Variants in RCAN2 observed in about 807,000 individuals in gnomAD.
RCAN2 encodes the protein calcipressin-2.
A neutral mutation model predicts 23.6 loss-of-function variants in RCAN2; 9 were observed. The ratio of observed to expected loss-of-function variants is 0.38; its 90% CI spans 0.23 to 0.67. The LOEUF is 0.67. RCAN2 is among the 30% of genes least tolerant of loss of function. The pLI, the probability that RCAN2 is intolerant of heterozygous loss-of-function variation, is 0.51. For synonymous variants in RCAN2, 109 were observed against 115.7 expected, an observed-to-expected ratio of 0.94 and a Z score of 0.37; for missense variants, 273 against 302.3, an observed-to-expected ratio of 0.90 and a Z score of 0.72.
At chr6:46,369,268 AGGACCTGCC>A (rs1455607554) in intron 2 of RCAN2, among the ~76,000 whole-genome samples, 2 of 152,162 alleles carry the variant, frequency 1.3e-5, no homozygotes, top group African/African-American at 4.8e-5. Flanking sequence ...TACCTCCTGA[AGGACCTGCC>A]TGAGGCTGTT....
intron 1 of RCAN2, among the ~76,000 whole-genome samples, chr6:46,465,424 C>T (rs560816031): frequency 6.6e-6 from 1 of 152,264 alleles, no homozygotes; most frequent in South Asian, 2.1e-4. Flanking sequence ...GGACTATTTA[C>T]AGCATGGGCA....
intron 2 of RCAN2, among the ~76,000 whole-genome samples, chr6:46,323,546 T>C (rs1319788720): frequency 6.6e-6 from 1 of 152,184 alleles, no homozygotes; most frequent in Non-Finnish European, 1.5e-5. Flanking sequence ...CTCACCTCCT[T>C]TCCCGTTTGC....
chr6:46,391,132 G>A (rs1765922538), intron 2 of RCAN2, among the ~76,000 whole-genome samples: 1 of 152,186 alleles, frequency 6.6e-6, no homozygotes, highest in Admixed American at 6.5e-5. Flanking sequence ...TTATACAATT[G>A]CCCTGTGCCT....
intron 2 of RCAN2, among the ~76,000 whole-genome samples, chr6:46,275,699 A>G (rs999880959): frequency 9.2e-5 from 14 of 152,236 alleles, no homozygotes; most frequent in Non-Finnish European, 5.9e-5. Context: ...TTATTTTGCT[A>G]CACAGCTATT....
intron 1 of RCAN2, among the ~76,000 whole-genome samples, chr6:46,461,398 T>G (rs1246334290): frequency 6.6e-6 from 1 of 152,140 alleles, no homozygotes; most frequent in South Asian, 2.1e-4. Context: ...ACCTTATGCA[T>G]GTGGAAAAGA....
chr6:46,250,014 T>C (rs1289768003), intron 2 of RCAN2, among the ~76,000 whole-genome samples: 2 of 152,236 alleles, frequency 1.3e-5, no homozygotes, highest in African/African-American at 2.4e-5. Flanking sequence ...TTAAAAACTT[T>C]AGACTCAATA....
chr6:46,225,299 G>A (rs925889538), intron 4 of RCAN2, among the ~76,000 whole-genome samples: 8 of 152,182 alleles, frequency 5.3e-5, no homozygotes, highest in East Asian at 1.9e-4. Context: ...TATATACCCA[G>A]TAATGGGATG....
At chr6:46,243,140 G>A (rs1246978886) in intron 4 of RCAN2, among the ~76,000 whole-genome samples, 1 of 152,206 alleles carries the variant, frequency 6.6e-6, no homozygotes, top group Non-Finnish European at 1.5e-5. Flanking sequence ...ATGCCATGGG[G>A]AGGAGGAAGG....
Position 46,475,909 on chromosome 6 carries a change from T to A in RCAN2, c.-3+15264A>T, listed in dbSNP as rs560206587. Among the ~76,000 whole-genome samples, 3 of 152,358 alleles carry A rather than the reference T, an allele frequency of 2.0e-5. No individual in the cohort carries two copies. In the South Asian group the frequency reaches 6.2e-4, roughly 32 times the overall value. Reference sequence around the variant, plus strand: ...GTCATGAATCACCCAAAATGGGTCTTCTTTCTCTTTTCCAGTGTTCATTTA... The same window carrying A: ...GTCATGAATCACCCAAAATGGGTCTACTTTCTCTTTTCCAGTGTTCATTTA... On this transcript the variant is annotated intron_variant, in intron 1 of 4. Coordinates refer to ENST00000371374, the MANE Select transcript of RCAN2 (RefSeq NM_001251974.2).
intron 2 of RCAN2, among the ~76,000 whole-genome samples, chr6:46,329,700 T>C (rs138746258): frequency 1.4e-4 from 21 of 152,302 alleles, no homozygotes; most frequent in Admixed American, 1.0e-3. Flanking sequence ...GAGTCCTGGC[T>C]TAGCTCTGTT....
intron 2 of RCAN2, among the ~76,000 whole-genome samples, chr6:46,340,818 G>A (rs958877129): frequency 9.2e-5 from 14 of 152,186 alleles, no homozygotes; most frequent in African/African-American, 3.4e-4. Context: ...ATTTTATACA[G>A]AATCAAAAGC....
At chr6:46,313,407 T>C (rs1251294525) in intron 2 of RCAN2, among the ~76,000 whole-genome samples, 1 of 152,236 alleles carries the variant, frequency 6.6e-6, no homozygotes, top group African/African-American at 2.4e-5. Context: ...CTCCATCACA[T>C]TTCTCAAGTG....
Position 46,265,498 on chromosome 6 carries a change from C to T in RCAN2, c.226-16602G>A, listed in dbSNP as rs1245746847. Among the ~76,000 whole-genome samples the T allele has an allele frequency of 3.9e-5, 6 of 152,264 alleles. No homozygotes were observed. In the East Asian group the frequency reaches 9.7e-4, roughly 25 times the overall value. Reference sequence around the variant, plus strand: ...GTGTCCACTATAATTAGGATGACTACACAATGCGTTGTCCAAGCTAGGAGA... The same window carrying T: ...GTGTCCACTATAATTAGGATGACTATACAATGCGTTGTCCAAGCTAGGAGA... On this transcript the variant is annotated intron_variant, in intron 2 of 4. Coordinates refer to ENST00000371374, the MANE Select transcript of RCAN2 (RefSeq NM_001251974.2).
intron 2 of RCAN2, among the ~76,000 whole-genome samples, chr6:46,266,381 C>G (rs548012149): frequency 6.6e-6 from 1 of 152,112 alleles, no homozygotes; most frequent in Non-Finnish European, 1.5e-5. Flanking sequence ...GTTATCTGCA[C>G]GTTCTTTATT....
At chr6:46,438,943 G>C (rs1051770425) in intron 2 of RCAN2, among the ~76,000 whole-genome samples, 43 of 152,144 alleles carry the variant, frequency 2.8e-4, no homozygotes, top group Non-Finnish European at 2.4e-4. Flanking sequence ...ATAAGTCACT[G>C]TTCTTCTCTG....
At chr6:46,443,480 T>C (rs1254668737) in intron 2 of RCAN2, among the ~76,000 whole-genome samples, 1 of 152,026 alleles carries the variant, frequency 6.6e-6, no homozygotes, top group African/African-American at 2.4e-5. Flanking sequence ...ATAAACATAA[T>C]AATATAAATA....
chr6:46,227,354 G>A lies in RCAN2; in HGVS notation c.572-4053C>T, dbSNP rs532977696. On this transcript the variant is annotated intron_variant, in intron 4 of 4. Transcript: ENST00000371374. Reference sequence around the variant, plus strand: ...TTCTATTACTGGAATAATTTCAGAAGGAATGGTACCAGCTTTTCCTTGTAC... The same window carrying A: ...TTCTATTACTGGAATAATTTCAGAAAGAATGGTACCAGCTTTTCCTTGTAC... 1.1e-4 allele frequency among the ~76,000 whole-genome samples: 16 copies of A among 152,320 alleles called. No individual in the cohort carries two copies. The East Asian group carries it at 1.3e-3, about 13-fold the overall frequency.
At position 46,456,895 on chromosome 6, in the gene RCAN2, G is replaced by C. The variant is rs1355234592; in HGVS notation, c.82C>G (p.Leu28Val). Residue 28 changes from leucine (L) to valine (V), a missense_variant, in exon 2 of 5, where the codon CTG becomes GTG. Physicochemically the swap from Leu to Val is conservative, Grantham distance 32. Coordinates refer to ENST00000371374, the MANE Select transcript of RCAN2 (RefSeq NM_001251974.2). ...GCCCAGTCCCTGTCTATGCAGCACA[G>C]TAAGAAAAGTCCTCCATCTTCAGGG... ...HVPEDGGLFL[L>V]CCIDRDWAVT... 1 of 1,550,690 alleles carries C rather than the reference G, an allele frequency of 6.4e-7. No individual in the cohort carries two copies. Among genetic ancestry groups the C allele is most frequent in the Non-Finnish European group, 8.7e-7 (1 of 1,146,980 alleles).
chr6:46,329,570 C>A (rs1370129143), intron 2 of RCAN2, among the ~76,000 whole-genome samples: 1 of 152,016 alleles, frequency 6.6e-6, no homozygotes, highest in Non-Finnish European at 1.5e-5. Context: ...TCTAAAAAGG[C>A]AAGTAGAGAG....
Sources: gnomAD v4.1 joint callset for allele counts (sites outside exome capture counted in the v4.1 genomes callset) on GRCh38, gnomAD v4.1.1 for gene constraint, MANE v1.5 for transcripts, NCBI Gene and HGNC (gene_info 2026-07-23, HGNC 2026-07-21) for gene names.